The following LARP4 variants were observed in gnomAD, a reference collection of about 807,000 sequenced individuals.
LARP4 encodes the protein La ribonucleoprotein 4, also known as la-related protein 4.
In LARP4, 29 loss-of-function variants were observed where a neutral mutation model predicts 92.9. The observed-to-expected ratio is 0.31, with a 90% CI of 0.23 to 0.43. LARP4 has a LOEUF of 0.43. Among genes scored for constraint, LARP4 ranks in the 20% least tolerant of loss-of-function variants. The pLI is 1.00. For missense variants in LARP4, 732 were observed against 860.0 expected (o/e 0.85, Z 1.86); for synonymous variants, 279 against 284.1 (o/e 0.98, Z 0.18).
At position 50,478,160 on chromosome 12, in the gene LARP4, A is replaced by C. The variant is rs1957660975; in HGVS notation, c.*2296A>C. On this transcript the variant is annotated 3_prime_UTR_variant, in exon 16 of 16. Transcript: ENST00000398473. ...AAGAGCCTTCTTTTAGAAGAAAGCA[A>C]GTATATTTTTGCTTTTACTTCAAAT... is the stretch of plus-strand genomic sequence containing the variant. The C allele has an allele frequency of 6.6e-6, 1 of 152,458 alleles. No individual in the cohort carries two copies. Among genetic ancestry groups the C allele is most frequent in the Non-Finnish European group, 1.5e-5 (1 of 67,936 alleles). The allele number at this position is 152,458 out of a possible 1,614,324, so 9.4% of individuals were successfully genotyped here.
chr12:50,461,469 A>G, intron 11 of LARP4, 122 bp downstream of exon 11: 1 of 1,017,076 alleles, frequency 9.8e-7, no homozygotes, highest in Non-Finnish European at 1.4e-6. Flanking sequence ...TATATTAAAT[A>G]AATACGTTAT....
chr12:50,454,235 G>T, intron 9 of LARP4, 79 bp from the exon 10 acceptor site: 2 of 979,244 alleles, frequency 2.0e-6, no homozygotes, highest in Admixed American at 2.6e-5. Flanking sequence ...AAATTCATAA[G>T]CTCATTAAGG....
chr12:50,412,389 T>C (rs1946062236), intron 1 of LARP4: 3 of 961,512 alleles, frequency 3.1e-6, no homozygotes, highest in African/African-American at 3.5e-5. Flanking sequence ...TTATACATTT[T>C]ATTTCTGTTT....
chr12:50,406,810 G>T (rs1944925148), intron 1 of LARP4, among the ~76,000 whole-genome samples: 1 of 151,770 alleles, frequency 6.6e-6, no homozygotes, highest in South Asian at 2.1e-4. Flanking sequence ...TCTGCCTCCT[G>T]GGTTCAAGTG....
intron 1 of LARP4, among the ~76,000 whole-genome samples, chr12:50,407,382 T>C (rs1284703980): frequency 6.6e-6 from 1 of 152,206 alleles, no homozygotes. Flanking sequence ...TTCTAAGTTT[T>C]CATCTCAGCC....
At chr12:50,427,990 T>TAA in intron 2 of LARP4, 81 bp downstream of exon 2, 1 of 466,478 alleles carries the variant, frequency 2.1e-6, no homozygotes, top group Non-Finnish European at 3.2e-6. Flanking sequence ...TTGAGACACA[T>TAA]CTCTTTTTTT....
rs141926390 is a variant in LARP4, at chr12:50,403,717, C to T, written c.18+2689C>T. On this transcript the variant is annotated intron_variant, in intron 1 of 15. Coordinates refer to ENST00000398473, the MANE Select transcript of LARP4 (RefSeq NM_052879.5). Reference sequence around the variant, plus strand: ...GGTCCTCTGCAGTTGTGTTCAATACCTTTTACTTATGTGTATTTTTCTGGA... The same window carrying T: ...GGTCCTCTGCAGTTGTGTTCAATACTTTTTACTTATGTGTATTTTTCTGGA... Among the ~76,000 whole-genome samples the T allele has an allele frequency of 4.4e-3, 671 of 152,246 alleles. 6 individuals carry two copies. Among genetic ancestry groups the T allele is most frequent in the African/African-American group, 0.015 (637 of 41,562 alleles).
At chr12:50,457,248 C>A (rs912517126) in intron 10 of LARP4, among the ~76,000 whole-genome samples, 1 of 137,872 alleles carries the variant, frequency 7.3e-6, no homozygotes, top group African/African-American at 2.7e-5. Flanking sequence ...CTCTTGTTGT[C>A]CAGGCTGGAG....
intron 13 of LARP4, among the ~76,000 whole-genome samples, chr12:50,472,659 C>T (rs998850414): frequency 6.6e-6 from 1 of 151,814 alleles, no homozygotes; most frequent in Non-Finnish European, 1.5e-5. Context: ...CAGATGGACA[C>T]CCCCCACCCT....
intron 4 of LARP4, among the ~76,000 whole-genome samples, chr12:50,432,611 G>A (rs915178453): frequency 6.6e-6 from 1 of 152,194 alleles, no homozygotes; most frequent in South Asian, 2.1e-4. Context: ...TGTAATCCCA[G>A]CACTTTGGGA....
At chr12:50,407,799 G>T (rs943022152) in intron 1 of LARP4, among the ~76,000 whole-genome samples, 5 of 152,062 alleles carry the variant, frequency 3.3e-5, no homozygotes, top group Non-Finnish European at 5.9e-5. Flanking sequence ...CTCCAGCCTG[G>T]GTGACAGTGA....
intron 5 of LARP4, among the ~76,000 whole-genome samples, chr12:50,436,496 G>C (rs1039506736): frequency 1.3e-5 from 2 of 152,100 alleles, no homozygotes; most frequent in Non-Finnish European, 2.9e-5. Context: ...TTTCGTGACA[G>C]TTCAATATAC....
intron 13 of LARP4, among the ~76,000 whole-genome samples, chr12:50,469,631 C>CG (rs1180686154): frequency 7.9e-5 from 10 of 126,320 alleles, no homozygotes; most frequent in African/African-American, 2.8e-4. Context: ...AAAGTAAAGG[C>CG]GGGGCACAGT....
chr12:50,401,129 G>C, intron 1 of LARP4, 101 bp downstream of exon 1: 1 of 1,358,396 alleles, frequency 7.4e-7, no homozygotes, highest in Non-Finnish European at 1.1e-6. Context: ...CGTACACGCC[G>C]CGGAACCGGC....
chr12:50,440,157 C>T (rs1286442621), intron 6 of LARP4, among the ~76,000 whole-genome samples: 1 of 152,164 alleles, frequency 6.6e-6, no homozygotes, highest in East Asian at 1.9e-4. Context: ...CATCTCCTGG[C>T]CAAGTGGAGT....
intron 1 of LARP4, among the ~76,000 whole-genome samples, chr12:50,410,439 G>A (rs553888689): frequency 3.4e-4 from 48 of 142,634 alleles, no homozygotes; most frequent in South Asian, 2.2e-3. Flanking sequence ...ATGGAATCTC[G>A]CTGTTGCCCA....
chr12:50,431,493 A>G (rs7955176), intron 4 of LARP4, among the ~76,000 whole-genome samples: 16,536 of 152,156 alleles, frequency 0.11, 1,761 homozygotes, highest in East Asian at 0.45. Context: ...TATATTGCCA[A>G]TGTCTTCTCT....
rs188175907 is a variant in LARP4, at chr12:50,465,223, T to C, written c.1384-1736T>C. Among the ~76,000 whole-genome samples the C allele has an allele frequency of 2.9e-3, 446 of 151,836 alleles. 2 individuals are homozygous for C. Among genetic ancestry groups the C allele is most frequent in the African/African-American group, 9.8e-3 (406 of 41,462 alleles). On this transcript the variant is annotated intron_variant, in intron 12 of 15. Coordinates refer to ENST00000398473, the MANE Select transcript of LARP4 (RefSeq NM_052879.5). ...CCCATCTCTACTAAAAATACAAAAATTAGCCGGGTATGGTGGTGGGTGCCT... is the reference window on the plus strand; with the variant it reads ...CCCATCTCTACTAAAAATACAAAAACTAGCCGGGTATGGTGGTGGGTGCCT...
intron 1 of LARP4, among the ~76,000 whole-genome samples, chr12:50,408,599 A>G (rs143397500): frequency 6.6e-6 from 1 of 152,306 alleles, no homozygotes; most frequent in Non-Finnish European, 1.5e-5. Context: ...ATAGTATTTC[A>G]TACTACTGAC....
Sources: allele counts gnomAD v4.1 joint callset (sites outside exome capture counted in the v4.1 genomes callset), GRCh38; gene constraint gnomAD v4.1.1; transcripts MANE v1.5; gene names NCBI Gene and HGNC (gene_info 2026-07-23, HGNC 2026-07-21).